Variants in TOMM70 observed in about 807,000 individuals in gnomAD.
The protein encoded by TOMM70 is mitochondrial import receptor subunit TOM70.
TOMM70 carries 13 observed loss-of-function variants against 73.6 expected under a neutral mutation model. The observed-to-expected ratio is 0.18, with a 90% CI of 0.11 to 0.28. The LOEUF (loss-of-function observed/expected upper bound fraction) is 0.28, where lower values mean the gene tolerates loss of function less well. Among genes scored for constraint, TOMM70 ranks in the 10% least tolerant of loss-of-function variants. TOMM70 has a pLI of 1.00. For synonymous variants in TOMM70, 257 were observed against 271.2 expected, an observed-to-expected ratio of 0.95 and a Z score of 0.51; for missense variants, 609 against 747.5, an observed-to-expected ratio of 0.81 and a Z score of 2.16.
intron 5 of TOMM70, among the ~76,000 whole-genome samples, chr3:100,379,756 ACAGGTGGACAC>A (rs1305081803): frequency 8.5e-5 from 13 of 152,212 alleles, no homozygotes; most frequent in Non-Finnish European, 1.3e-4. Context: ...TGCTGAGACT[ACAGGTGGACAC>A]CACCATGCCA....
chr3:100,397,146 G>C (rs1706834407), intron 1 of TOMM70, among the ~76,000 whole-genome samples: 1 of 152,054 alleles, frequency 6.6e-6, no homozygotes, highest in African/African-American at 2.4e-5. Flanking sequence ...TTCCATCAGT[G>C]AAAGCAAATG....
intron 4 of TOMM70, among the ~76,000 whole-genome samples, chr3:100,383,200 T>C (rs1706652125): frequency 6.6e-6 from 1 of 151,888 alleles, no homozygotes; most frequent in Non-Finnish European, 1.5e-5. Context: ...TCTTACGAGA[T>C]GCTCGAGAGA....
Position 100,400,908 on chromosome 3 carries a change from G to A in TOMM70, c.42C>T (p.Ala14=). 6.5e-7 allele frequency: 1 copy of A among 1,528,902 alleles called. No homozygotes were observed. The highest frequency in any genetic ancestry group is 1.2e-5 in the South Asian group (1 of 83,730). The allele number at this position is 1,528,902 out of a possible 1,614,324, so 94.7% of individuals were successfully genotyped here. The change falls in exon 1 of 12, where the codon GCC becomes GCT. Residue 14 remains alanine, a synonymous_variant. Coordinates refer to ENST00000284320, the MANE Select transcript of TOMM70 (RefSeq NM_014820.5). ...CCCCACTCCCGGAGCTCGGTACAGCGGCTGCGACCACCGCTGCCTCCACAG... is the reference window on the plus strand; with the variant it reads ...CCCCACTCCCGGAGCTCGGTACAGCAGCTGCGACCACCGCTGCCTCCACAG... ...SKPVEAAVVA[A]AVPSSGSGVG...
rs11332311 is a variant in TOMM70 at position 100,365,251 on chromosome 3, T to TA, written c.*312dup. 2,119 of 243,072 alleles carry TA rather than the reference T, an allele frequency of 8.7e-3. No individual in the cohort carries two copies. Among genetic ancestry groups the TA allele is most frequent in the South Asian group, 0.016 (159 of 9,984 alleles). The allele number at this position is 243,072 out of a possible 1,614,324, so 15.1% of individuals were successfully genotyped here. A position where few individuals can be genotyped will look rare whatever the true frequency, so the allele number is the denominator to read the frequency against. Reference sequence around the variant, plus strand: ...AACATAATCAACTGCCAACCCCCCTTAAAAAAAAAATCAACAAATCAGTTT... The same window carrying TA: ...AACATAATCAACTGCCAACCCCCCTTAAAAAAAAAAATCAACAAATCAGTTT... On this transcript the variant is annotated 3_prime_UTR_variant, in exon 12 of 12. Transcript: ENST00000284320.
intron 5 of TOMM70, 125 bp downstream of exon 5, chr3:100,381,490 C>T (rs1446956839): frequency 1.9e-6 from 1 of 516,118 alleles, no homozygotes; most frequent in Non-Finnish European, 3.0e-6. Context: ...AATTATATTT[C>T]TGTCTATCTC....
At chr3:100,387,593 G>GACACAGAC (rs766768559) in intron 1 of TOMM70, among the ~76,000 whole-genome samples, 1 of 98,744 alleles carries the variant, frequency 1.0e-5, no homozygotes, top group Non-Finnish European at 1.9e-5. Context: ...CACAGACACA[G>GACACAGAC]ACACAGACAC....
In TOMM70 at chr3:100,365,571, G is replaced by A. The variant is rs1706440222; in HGVS notation, c.1820C>T (p.Thr607Ile). ...GTCTGCTTTCCCCCTGTTTTATAAT[G>A]TTGGTGGTTTTAATCCGTATTTCTT... ...VAKKYGLKPP[T>I]L is the part of the protein sequence containing the mutation. Residue 607 changes from threonine (T) to isoleucine (I), a missense_variant, in exon 12 of 12, where the codon ACA becomes ATA. By Grantham distance (89) the Thr-to-Ile change is moderately conservative. Transcript: ENST00000284320. 6.2e-7 allele frequency: 1 copy of A among 1,614,190 alleles called. No individual in the cohort carries two copies. The highest frequency in any genetic ancestry group is 8.5e-7 in the Non-Finnish European group (1 of 1,180,012).
intron 1 of TOMM70, among the ~76,000 whole-genome samples, chr3:100,393,227 AGT>A (rs1328171143): frequency 6.6e-6 from 1 of 152,138 alleles, no homozygotes; most frequent in Non-Finnish European, 1.5e-5. Flanking sequence ...CACTGATAAA[AGT>A]GTAGTATATA....
intron 1 of TOMM70, among the ~76,000 whole-genome samples, chr3:100,390,616 C>G (rs1353515659): frequency 6.6e-6 from 1 of 152,124 alleles, no homozygotes; most frequent in African/African-American, 2.4e-5. Context: ...CATTTGAGAT[C>G]AGGAGTTTGA....
At chr3:100,399,233 C>T (rs1281294124) in intron 1 of TOMM70, among the ~76,000 whole-genome samples, 3 of 150,456 alleles carry the variant, frequency 2.0e-5, no homozygotes, top group Non-Finnish European at 4.4e-5. Flanking sequence ...GAGCTGAGAT[C>T]GCACCACTGC....
At chr3:100,395,971 G>A (rs900019727) in intron 1 of TOMM70, among the ~76,000 whole-genome samples, 3 of 150,480 alleles carry the variant, frequency 2.0e-5, no homozygotes, top group African/African-American at 7.3e-5. Flanking sequence ...AATGACCTCT[G>A]TATTGTGATA....
intron 6 of TOMM70, among the ~76,000 whole-genome samples, chr3:100,375,763 AC>A (rs1190333961): frequency 2.0e-5 from 3 of 152,180 alleles, no homozygotes. Context: ...TTGCTACGTT[AC>A]CCAGGGTAGT....
chr3:100,372,194 T>A (rs1178168184), intron 9 of TOMM70: 1 of 154,644 alleles, frequency 6.5e-6, no homozygotes, highest in Non-Finnish European at 1.4e-5. Flanking sequence ...TCAGGAATTT[T>A]AGATAAAGCA....
In TOMM70 at chr3:100,400,643, C is replaced by G; in HGVS notation, c.307G>C (p.Gly103Arg). The G allele has an allele frequency of 1.2e-6, 2 of 1,612,242 alleles. No homozygotes were observed. The highest frequency in any genetic ancestry group is 1.7e-6 in the Non-Finnish European group (2 of 1,179,606). Residue 103 changes from glycine to arginine, a missense_variant, in exon 1 of 12, where the codon GGT becomes CGT. This residue lies in a region of TOMM70 where 177 missense variants were observed against 163.5 expected (regional missense o/e 1.08). Transcript: ENST00000284320. ...CTTCTCACCATGTCCAAGTGAGCAC[C>G]GGGACCTTCAGGGTGTCCGCTGCCC... ...APGSGHPEGPGAHLDMNSLDR... is the reference protein window; with the variant it reads ...APGSGHPEGPRAHLDMNSLDR...
At chr3:100,391,931 C>G (rs1006631326) in intron 1 of TOMM70, among the ~76,000 whole-genome samples, 1 of 152,152 alleles carries the variant, frequency 6.6e-6, no homozygotes, top group African/African-American at 2.4e-5. Flanking sequence ...TCCAGTCTGA[C>G]AAGCTCCATG....
chr3:100,381,863 T>C (rs1474357307), intron 4 of TOMM70, 100 bp from the exon 5 acceptor site: 3 of 1,252,592 alleles, frequency 2.4e-6, no homozygotes, highest in Non-Finnish European at 3.2e-6. Flanking sequence ...AAAAATTGGA[T>C]TCTCATTTTC....
chr3:100,387,863 T>C (rs1159977537), intron 1 of TOMM70, among the ~76,000 whole-genome samples: 1 of 152,140 alleles, frequency 6.6e-6, no homozygotes, highest in East Asian at 1.9e-4. Context: ...GTCTTATATG[T>C]TTTTAATTTC....
rs906035776 is a variant in TOMM70 at position 100,390,974 on chromosome 3, C to T, written c.325-3996G>A. ...CTAACACGGTGAAACCCCGTCTCTA[C>T]TAAAAATACAAAAAAAATTAGCCAG... On this transcript the variant is annotated intron_variant, in intron 1 of 11. Coordinates refer to ENST00000284320, the MANE Select transcript of TOMM70 (RefSeq NM_014820.5). Among the ~76,000 whole-genome samples the T allele has an allele frequency of 8.6e-5, 13 of 150,526 alleles. No individual in the cohort carries two copies. In the Admixed American group the frequency reaches 8.6e-4, roughly 10 times the overall value.
intron 3 of TOMM70, 73 bp from the exon 4 acceptor site, chr3:100,384,661 A>G: frequency 9.4e-7 from 1 of 1,068,758 alleles, no homozygotes; most frequent in South Asian, 2.2e-5. Flanking sequence ...AAATGGGTAC[A>G]ATGTAACTAC....
Sources: allele counts gnomAD v4.1 joint callset (sites outside exome capture counted in the v4.1 genomes callset), GRCh38; gene constraint gnomAD v4.1.1; regional missense constraint gnomAD v4.1.1; transcripts MANE v1.5; gene names NCBI Gene and HGNC (gene_info 2026-07-23, HGNC 2026-07-21).